TCN1: variants seen among roughly 807,000 people sequenced by gnomAD.
TCN1 encodes transcobalamin 1.
TCN1 carries 47 observed loss-of-function variants against 46.3 expected under a neutral mutation model. That is an observed-to-expected ratio of 1.01 (90% CI 0.80 to 1.29). The LOEUF is 1.29. Ranked by LOEUF, TCN1 falls within the 50% of genes most tolerant of loss-of-function variation. The pLI is 0.00. For missense variants in TCN1, 532 were observed against 511.0 expected, an observed-to-expected ratio of 1.04 and a Z score of -0.40; for synonymous variants, 183 against 192.5, an observed-to-expected ratio of 0.95 and a Z score of 0.41.
chr11:59,855,368 C>A (rs780704121), intron 6 of TCN1, among the ~76,000 whole-genome samples: 27 of 152,136 alleles, frequency 1.8e-4, no homozygotes, highest in Non-Finnish European at 3.7e-4. Context: ...AGTGGCTGAA[C>A]CAGGAATGGA....
At chr11:59,854,517 G>T in intron 7 of TCN1, 135 bp downstream of exon 7, 1 of 866,480 alleles carries the variant, frequency 1.2e-6, no homozygotes, top group Non-Finnish European at 1.9e-6. Flanking sequence ...CTCCTGCTGT[G>T]AGATGTAGAT....
intron 5 of TCN1, among the ~76,000 whole-genome samples, chr11:59,858,164 C>T (rs140643901): frequency 2.0e-5 from 3 of 152,186 alleles, no homozygotes; most frequent in Middle Eastern, 3.4e-3. Context: ...TAAGTAAATA[C>T]GGGTTACTTG....
chr11:59,862,144 T>C (rs1043014244), intron 3 of TCN1, among the ~76,000 whole-genome samples: 9 of 152,092 alleles, frequency 5.9e-5, no homozygotes, highest in African/African-American at 1.9e-4. Context: ...CCATGGCCGG[T>C]TGATTTTTCC....
At chr11:59,856,084 G>T in intron 5 of TCN1, 26 bp from the exon 6 acceptor site, 4 of 1,055,756 alleles carry the variant, frequency 3.8e-6, no homozygotes, top group Admixed American at 1.8e-5. Flanking sequence ...GGGGTGGGGG[G>T]GTGATGAGAG....
At chr11:59,855,847 G>A (rs1403457103) in intron 6 of TCN1, 22 bp downstream of exon 6, 2 of 1,613,116 alleles carry the variant, frequency 1.2e-6, no homozygotes, top group Non-Finnish European at 1.7e-6. Context: ...GCGAAACAGT[G>A]TGCTCTCTTT....
chr11:59,860,687 C>T (rs1853007346), intron 4 of TCN1, among the ~76,000 whole-genome samples: 1 of 152,108 alleles, frequency 6.6e-6, no homozygotes, highest in Non-Finnish European at 1.5e-5. Context: ...TAGTACTTTA[C>T]AGAGTTGTTG....
rs1852985746 is a variant in TCN1 at position 59,859,062 on chromosome 11, C to T, written c.747+15G>A. 6.2e-7 allele frequency: 1 copy of T among 1,610,916 alleles called. No homozygotes were observed. Among genetic ancestry groups the T allele is most frequent in the Middle Eastern group, 1.7e-4 (1 of 6,052 alleles). ...AGACTCCCTTCTCTGCCTCCTGTTTCACCCTCTGACTTACCTGCATGGCTT... is the reference window on the plus strand; with the variant it reads ...AGACTCCCTTCTCTGCCTCCTGTTTTACCCTCTGACTTACCTGCATGGCTT... On this transcript the variant is annotated intron_variant, in intron 5 of 8. Coordinates refer to ENST00000257264, the MANE Select transcript of TCN1 (RefSeq NM_001062.4).
At chr11:59,853,061 T>G (rs944924651) in intron 8 of TCN1, 25 bp from the exon 9 acceptor site, 1 of 1,613,342 alleles carries the variant, frequency 6.2e-7, no homozygotes, top group South Asian at 1.1e-5. Flanking sequence ...GAAAGAGAAC[T>G]GGGTCAAATG....
At chr11:59,856,085 G>GGGGGGGGGGGGGGCC in intron 5 of TCN1, 27 bp from the exon 6 acceptor site, 1 of 585,326 alleles carries the variant, frequency 1.7e-6, no homozygotes, top group Non-Finnish European at 3.2e-6. Flanking sequence ...GGGTGGGGGG[G>GGGGGGGGGGGGGGCC]TGATGAGAGA....
At chr11:59,862,338 T>C (rs1853023545) in intron 3 of TCN1, among the ~76,000 whole-genome samples, 1 of 151,864 alleles carries the variant, frequency 6.6e-6, no homozygotes, top group African/African-American at 2.4e-5. Context: ...TGTGTGTGTA[T>C]GTGTGTGTGT....
rs1427287607 is a variant in TCN1 at position 59,852,924 on chromosome 11, T to C, written c.*51A>G. On this transcript the variant is annotated 3_prime_UTR_variant, in exon 9 of 9. Transcript: ENST00000257264. ...GAAGAAGGCATAAGGACAATAAACA[T>C]GGAACTCCACTGCAAATGGATTTTA... 1 of 1,536,026 alleles carries C rather than the reference T, an allele frequency of 6.5e-7. No individual in the cohort carries two copies. Among genetic ancestry groups the C allele is most frequent in the Admixed American group, 1.7e-5 (1 of 59,892 alleles).
In TCN1 at chr11:59,852,871, C is replaced by T; in HGVS notation, c.*104G>A. ...TAGAGAGAGAAGGGGAGGTTATTAA[C>T]TCTCCTGCTCGTACTGGGATAAATG... On this transcript the variant is annotated 3_prime_UTR_variant, in exon 9 of 9. Coordinates refer to ENST00000257264, the MANE Select transcript of TCN1 (RefSeq NM_001062.4). 1 of 1,056,870 alleles carries T rather than the reference C, an allele frequency of 9.5e-7. No homozygotes were observed. 65.5% of individuals were successfully genotyped at this position (1,056,870 alleles called of 1,614,324 possible).
chr11:59,858,829 G>C (rs2135107425), intron 5 of TCN1, among the ~76,000 whole-genome samples: 1 of 152,180 alleles, frequency 6.6e-6, no homozygotes, highest in South Asian at 2.1e-4. Flanking sequence ...AATTAGCCGG[G>C]CGTGGTGGTG....
intron 7 of TCN1, among the ~76,000 whole-genome samples, chr11:59,854,445 C>T (rs761594910): frequency 3.4e-5 from 5 of 146,502 alleles, no homozygotes; most frequent in East Asian, 1.9e-4. Context: ...ATTTATTTAG[C>T]GAACATTAAT....
intron 2 of TCN1, 74 bp from the exon 3 acceptor site, chr11:59,862,796 T>G (rs978385127): frequency 6.5e-7 from 1 of 1,539,324 alleles, no homozygotes; most frequent in Non-Finnish European, 8.9e-7. Context: ...TCCTTGAGAC[T>G]TATATTGCCT....
At position 59,852,992 on chromosome 11, in the gene TCN1, G is replaced by T. The variant is rs865842610; in HGVS notation, c.1285C>A (p.Arg429Ser). The T allele has an allele frequency of 5.0e-6, 8 of 1,613,930 alleles. No individual in the cohort carries two copies. In the African/African-American group the frequency reaches 1.1e-4, roughly 22 times the overall value. ...VVRNGENLEVRWSKY is the reference protein window; with the variant it reads ...VVRNGENLEVSWSKY ...TGGGCTTATTAGTATTTGCTCCAGCGAACCTCCAAGTTTTCTCCATTGCGG... is the reference window on the plus strand; with the variant it reads ...TGGGCTTATTAGTATTTGCTCCAGCTAACCTCCAAGTTTTCTCCATTGCGG... Residue 429 changes from arginine to serine, a missense_variant, in exon 9 of 9, where the codon CGC (arginine) becomes AGC (serine). Physicochemically the swap from Arg to Ser is moderately radical, Grantham distance 110. Coordinates refer to ENST00000257264, the MANE Select transcript of TCN1 (RefSeq NM_001062.4).
chr11:59,856,150 CTATAACTA>C, intron 5 of TCN1, 92 bp from the exon 6 acceptor site: 1 of 1,006,944 alleles, frequency 9.9e-7, no homozygotes, highest in South Asian at 1.3e-5. Context: ...GAAGCCTTAT[CTATAACTA>C]TATATGTAAC....
At chr11:59,862,442 GA>G in intron 3 of TCN1, 139 bp downstream of exon 3, 4 of 1,044,008 alleles carry the variant, frequency 3.8e-6, no homozygotes, top group Non-Finnish European at 5.7e-6. Flanking sequence ...TACTGAAAGA[GA>G]AAAAGGGAAG....
rs1179764658 is a variant in TCN1, at chr11:59,853,051, G to A, written c.1241-15C>T. 2 of 1,613,892 alleles carry A rather than the reference G, an allele frequency of 1.2e-6. No homozygotes were observed. The highest frequency in any genetic ancestry group is 1.7e-6 in the Non-Finnish European group (2 of 1,179,890). Reference sequence around the variant, plus strand: ...ACTACCAGCTCCTGAAAAGGAAGAAGAAAGAGAACTGGGTCAAATGATTTG... The same window carrying A: ...ACTACCAGCTCCTGAAAAGGAAGAAAAAAGAGAACTGGGTCAAATGATTTG... On this transcript the variant is annotated splice_polypyrimidine_tract_variant and intron_variant, in intron 8 of 8. Transcript: ENST00000257264.
Sources: allele counts gnomAD v4.1 joint callset (sites outside exome capture counted in the v4.1 genomes callset), GRCh38; gene constraint gnomAD v4.1.1; transcripts MANE v1.5; gene names NCBI Gene and HGNC (gene_info 2026-07-23, HGNC 2026-07-21).